Variants in ELF2 observed in about 807,000 individuals in gnomAD.
ELF2 encodes E74 like ETS transcription factor 2.
A neutral mutation model predicts 54.8 loss-of-function variants in ELF2; 11 were observed. The ratio of observed to expected loss-of-function variants is 0.20; its 90% CI spans 0.13 to 0.33. The LOEUF is 0.33. Ranked by LOEUF, ELF2 falls within the 10% of genes least tolerant of loss-of-function variation. The pLI, the probability that ELF2 is intolerant of heterozygous loss-of-function variation, is 1.00. For missense variants in ELF2, 513 were observed against 703.0 expected (o/e 0.73, Z 3.06); for synonymous variants, 203 against 245.1 (o/e 0.83, Z 1.61).
Position 139,059,299 on chromosome 4 carries a change from G to A in ELF2, c.1466C>T (p.Thr489Ile). The change falls in exon 10 of 10, where the codon ACC becomes ATC. Residue 489 changes from threonine (T) to isoleucine (I), a missense_variant. This residue lies in a region of ELF2 where 291 missense variants were observed against 366.1 expected (regional missense o/e 0.79). Transcript: ENST00000686138. ...TGSGSINIVG[T>I]PLAVRALTPV... The stretch of plus-strand genomic sequence containing the variant: ...GGTAAGTGCTCTCACAGCCAATGGG[G>A]TTCCAACAATGTTAATGCTTCCTGA... 2 of 1,613,918 alleles carry A rather than the reference G, an allele frequency of 1.2e-6. No homozygotes were observed. The highest frequency in any genetic ancestry group is 1.7e-6 in the Non-Finnish European group (2 of 1,179,862).
chr4:139,067,342 C>A, intron 7 of ELF2: 1 of 196,968 alleles, frequency 5.1e-6, no homozygotes, highest in Non-Finnish European at 1.1e-5. Context: ...AGTTGTAAAC[C>A]CCTTTGAATT....
At chr4:139,163,525 AAGAG>A (rs1051554280) in intron 1 of ELF2, among the ~76,000 whole-genome samples, 1 of 152,180 alleles carries the variant, frequency 6.6e-6, no homozygotes, top group African/African-American at 2.4e-5. Context: ...TTATTTAAGA[AAGAG>A]AAAGTATAGG....
intron 4 of ELF2, among the ~76,000 whole-genome samples, chr4:139,082,169 CAA>C (rs1039085734): frequency 2.6e-5 from 4 of 152,126 alleles, no homozygotes; most frequent in African/African-American, 9.7e-5. Flanking sequence ...CAGTATTTTT[CAA>C]AGTTTTGATG....
intron 4 of ELF2, among the ~76,000 whole-genome samples, chr4:139,112,953 T>C (rs1190496800): frequency 1.3e-5 from 2 of 152,200 alleles, no homozygotes; most frequent in African/African-American, 2.4e-5. Context: ...AATGAATGGC[T>C]ACTAGTTTCC....
intron 4 of ELF2, among the ~76,000 whole-genome samples, chr4:139,092,414 TACATA>T (rs1553959669): frequency 0.012 from 1,041 of 87,730 alleles, 15 homozygotes; most frequent in African/African-American, 0.038. Context: ...TAACATAACA[TACATA>T]ACATAACATA....
intron 4 of ELF2, among the ~76,000 whole-genome samples, chr4:139,096,210 T>C (rs1733272805): frequency 6.6e-6 from 1 of 152,248 alleles, no homozygotes; most frequent in Admixed American, 6.5e-5. Context: ...GTTAAGGTTA[T>C]ACTAACTTCA....
intron 1 of ELF2, among the ~76,000 whole-genome samples, chr4:139,165,106 T>G (rs1369634410): frequency 6.8e-6 from 1 of 146,724 alleles, no homozygotes; most frequent in African/African-American, 2.5e-5. Flanking sequence ...CTGCATCTTA[T>G]GAAGATAATC....
intron 4 of ELF2, chr4:139,115,396 C>G: frequency 9.9e-7 from 1 of 1,008,832 alleles, no homozygotes; most frequent in Non-Finnish European, 1.2e-6. Flanking sequence ...GGGCCACGTG[C>G]GCGCATCGGG....
At chr4:139,099,632 G>A (rs1159469985) in intron 4 of ELF2, among the ~76,000 whole-genome samples, 1 of 152,058 alleles carries the variant, frequency 6.6e-6, no homozygotes, top group Non-Finnish European at 1.5e-5. Flanking sequence ...TCTGAATTCT[G>A]GAACCCATTT....
chr4:139,074,683 C>G (rs147741907), intron 4 of ELF2, among the ~76,000 whole-genome samples: 2,689 of 151,424 alleles, frequency 0.018, 77 homozygotes, highest in East Asian at 0.12. Flanking sequence ...TCGCTTGAAC[C>G]TGGGAGGCGG....
At chr4:139,175,494 T>G (rs551148640) in intron 1 of ELF2, among the ~76,000 whole-genome samples, 1 of 152,348 alleles carries the variant, frequency 6.6e-6, no homozygotes. Flanking sequence ...CTATAAAAAG[T>G]TTTATTATTC....
chr4:139,137,500 C>G (rs192709410), intron 3 of ELF2, 130 bp downstream of exon 3: 2 of 894,674 alleles, frequency 2.2e-6, no homozygotes, highest in Non-Finnish European at 3.5e-6. Flanking sequence ...TAAGGATACA[C>G]GACATGTACA....
chr4:139,147,286 G>C (rs1047556690), intron 1 of ELF2, among the ~76,000 whole-genome samples: 1 of 152,132 alleles, frequency 6.6e-6, no homozygotes, highest in African/African-American at 2.4e-5. Context: ...ATGAAAAAGT[G>C]CTCAATATCA....
At chr4:139,176,323 C>T (rs1390638417) in intron 1 of ELF2, among the ~76,000 whole-genome samples, 1 of 152,180 alleles carries the variant, frequency 6.6e-6, no homozygotes. Flanking sequence ...ACCTGTCGTG[C>T]AAGCTAGCAG....
chr4:139,160,970 A>G (rs971984459), intron 1 of ELF2, among the ~76,000 whole-genome samples: 4 of 152,074 alleles, frequency 2.6e-5, no homozygotes, highest in African/African-American at 7.3e-5. Context: ...CTCAAAATAA[A>G]TAAATAAAAG....
chr4:139,128,452 A>C (rs1737157683), intron 3 of ELF2, among the ~76,000 whole-genome samples: 1 of 151,962 alleles, frequency 6.6e-6, no homozygotes, highest in Non-Finnish European at 1.5e-5. Flanking sequence ...TAACTCCTTG[A>C]CTTATCTATA....
Position 139,071,966 on chromosome 4 carries a change from T to C in ELF2, c.426A>G (p.Thr142=). 6.2e-7 allele frequency: 1 copy of C among 1,614,056 alleles called. No individual in the cohort carries two copies. The highest frequency in any genetic ancestry group is 1.7e-5 in the Admixed American group (1 of 59,986). The change falls in exon 6 of 10, where the codon ACA becomes ACG. Residue 142 remains threonine (T), a synonymous_variant. Coordinates refer to ENST00000686138, the MANE Select transcript of ELF2 (RefSeq NM_001331036.3). ...IHAAMRPDVI[T]ETVVEVSTEE... is the part of the protein sequence containing the mutation. ...CAGTTGACACCTCCACTACAGTTTC[T>C]GTAATGACATCTGGCCTCATAGCAG...
chr4:139,120,244 T>C (rs1299681428), intron 4 of ELF2, among the ~76,000 whole-genome samples: 1 of 150,428 alleles, frequency 6.6e-6, no homozygotes, highest in African/African-American at 2.5e-5. Context: ...TTTACCTAAC[T>C]GTGCCTCTCC....
rs1477999787 is a variant in ELF2, at chr4:139,117,263, G to A, written c.238+7901C>T. 1.1e-4 allele frequency among the ~76,000 whole-genome samples: 16 copies of A among 152,066 alleles called. No homozygotes were observed. In the South Asian group the frequency reaches 3.1e-3, roughly 30 times the overall value. ...CTGCTTGTATTATATAATATTTTAC[G>A]ATTAAAATGCATTTTTTAAAAGACT... On this transcript the variant is annotated intron_variant, in intron 4 of 9. Transcript: ENST00000686138.
Sources: gnomAD v4.1 joint callset for allele counts (sites outside exome capture counted in the v4.1 genomes callset) on GRCh38, gnomAD v4.1.1 for gene constraint, gnomAD v4.1.1 regional missense constraint, MANE v1.5 for transcripts, NCBI Gene and HGNC (gene_info 2026-07-23, HGNC 2026-07-21) for gene names.